Variants in KLHL20 observed in about 807,000 individuals in gnomAD.
KLHL20 encodes kelch-like protein 20.
In KLHL20, 29 loss-of-function variants were observed where a neutral mutation model predicts 69.5. The observed-to-expected ratio is 0.42, with a 90% confidence interval of 0.31 to 0.57. KLHL20 has a LOEUF of 0.57. Ranked by LOEUF, KLHL20 falls within the 20% of genes least tolerant of loss-of-function variation. KLHL20 has a pLI of 0.18. For missense variants in KLHL20, 419 were observed against 776.0 expected (o/e 0.54, Z 5.47); for synonymous variants, 253 against 265.2 (o/e 0.95, Z 0.45).
intron 3 of KLHL20, chr1:173,741,587 A>G: frequency 2.3e-6 from 1 of 426,514 alleles, no homozygotes; most frequent in Non-Finnish European, 4.1e-6. Flanking sequence ...AAAGCAAAAT[A>G]AAAATTACAA....
At chr1:173,741,066 C>T (rs1363540176) in intron 3 of KLHL20, among the ~76,000 whole-genome samples, 1 of 152,182 alleles carries the variant, frequency 6.6e-6, no homozygotes, top group Non-Finnish European at 1.5e-5. Context: ...TATCCTTCTC[C>T]CATAATCTGG....
chr1:173,762,695 A>G (rs1647385420), intron 7 of KLHL20, among the ~76,000 whole-genome samples: 1 of 152,242 alleles, frequency 6.6e-6, no homozygotes, highest in Non-Finnish European at 1.5e-5. Flanking sequence ...CTTTATGATT[A>G]AAACTCTCAG....
chr1:173,766,158 A>G lies in KLHL20; in HGVS notation c.1164A>G (p.Lys388=). The change falls in exon 8 of 12, where the codon AAA becomes AAG. Residue 388 remains lysine (K), a synonymous_variant. Coordinates refer to ENST00000209884, the MANE Select transcript of KLHL20 (RefSeq NM_014458.4). ...ATGTTCTTTTCAGGTATGACCCCAA[A>G]ACAAACCAGTGGAGCAGTGATGTGG... ...YLNSVERYDP[K]TNQWSSDVAP... 1.9e-6 allele frequency: 3 copies of G among 1,606,056 alleles called. No homozygotes were observed. Among genetic ancestry groups the G allele is most frequent in the Non-Finnish European group, 2.5e-6 (3 of 1,177,026 alleles).
chr1:173,783,522 C>T (rs575251887), intron 11 of KLHL20, among the ~76,000 whole-genome samples: 4 of 152,224 alleles, frequency 2.6e-5, no homozygotes, highest in South Asian at 2.1e-4. Context: ...CTAATAACAG[C>T]GTGTACGTTT....
At chr1:173,745,846 T>TATAG (rs1251800103) in intron 3 of KLHL20, among the ~76,000 whole-genome samples, 5 of 152,152 alleles carry the variant, frequency 3.3e-5, no homozygotes. Context: ...AGGATTGAGG[T>TATAG]ATAGATATTT....
chr1:173,745,755 G>A (rs1277624559), intron 3 of KLHL20, among the ~76,000 whole-genome samples: 1 of 152,040 alleles, frequency 6.6e-6, no homozygotes, highest in Non-Finnish European at 1.5e-5. Flanking sequence ...AATGGTAATG[G>A]AAATATTGTA....
chr1:173,741,949 T>C (rs778052147), intron 3 of KLHL20: 1 of 889,272 alleles, frequency 1.1e-6, no homozygotes, highest in South Asian at 1.5e-5. Context: ...TGAATCAAGA[T>C]AAGTGGGAAA....
chr1:173,753,723 A>C, intron 5 of KLHL20, among the ~76,000 whole-genome samples: 1 of 152,160 alleles, frequency 6.6e-6, no homozygotes, highest in East Asian at 1.9e-4. Flanking sequence ...TGCTTTCTAA[A>C]TTGTGGACAG....
intron 6 of KLHL20, 85 bp from the exon 7 acceptor site, chr1:173,756,891 A>G: frequency 2.3e-6 from 3 of 1,313,082 alleles, no homozygotes; most frequent in Non-Finnish European, 3.2e-6. Context: ...GAGTCTAAGC[A>G]TTAGGTCACA....
chr1:173,739,374 A>C (rs1476285244), intron 3 of KLHL20, among the ~76,000 whole-genome samples: 1 of 151,814 alleles, frequency 6.6e-6, no homozygotes, highest in East Asian at 1.9e-4. Context: ...GCCTGGCCCA[A>C]TTCTTCTTTA....
chr1:173,731,076 C>G (rs940307349), intron 2 of KLHL20, among the ~76,000 whole-genome samples: 2 of 152,170 alleles, frequency 1.3e-5, no homozygotes, highest in Non-Finnish European at 2.9e-5. Context: ...AGACACTTCT[C>G]AAAAGAAGAC....
intron 2 of KLHL20, among the ~76,000 whole-genome samples, chr1:173,717,256 C>G (rs981137685): frequency 1.3e-5 from 2 of 152,116 alleles, no homozygotes; most frequent in Non-Finnish European, 2.9e-5. Context: ...AAAAGAATAG[C>G]AGAGTGTGGG....
At chr1:173,719,555 G>A (rs1671624153) in intron 2 of KLHL20, among the ~76,000 whole-genome samples, 1 of 151,922 alleles carries the variant, frequency 6.6e-6, no homozygotes. Context: ...GCAGGTGGAG[G>A]TTGCAGTGAG....
At chr1:173,729,982 C>G (rs1672179724) in intron 2 of KLHL20, among the ~76,000 whole-genome samples, 1 of 151,974 alleles carries the variant, frequency 6.6e-6, no homozygotes, top group African/African-American at 2.4e-5. Flanking sequence ...ATCATCTCAG[C>G]CCCAAATCTC....
At chr1:173,735,195 C>T (rs2102473957) in intron 3 of KLHL20, among the ~76,000 whole-genome samples, 1 of 152,306 alleles carries the variant, frequency 6.6e-6, no homozygotes, top group African/African-American at 2.4e-5. Flanking sequence ...CCTGTGATCC[C>T]AGCACTTTGG....
At chr1:173,780,726 G>GT (rs1184499873) in intron 10 of KLHL20, among the ~76,000 whole-genome samples, 6 of 151,828 alleles carry the variant, frequency 4.0e-5, no homozygotes, top group Non-Finnish European at 7.4e-5. Context: ...ACGGTGAACT[G>GT]TTTTTTTGTT....
chr1:173,766,443 G>A (rs1276102634), intron 8 of KLHL20, among the ~76,000 whole-genome samples, 154 bp downstream of exon 8: 1 of 148,212 alleles, frequency 6.7e-6, no homozygotes, highest in South Asian at 2.2e-4. Flanking sequence ...TCAGGAGTTC[G>A]AGACCAGCCT....
In KLHL20 at chr1:173,766,290, G is replaced by T. The variant is rs1390584971; in HGVS notation, c.1295+1G>T. The T allele has an allele frequency of 6.3e-7, 1 of 1,576,438 alleles. No individual in the cohort carries two copies. The highest frequency in any genetic ancestry group is 2.3e-5 in the East Asian group (1 of 43,760). On this transcript the variant is annotated splice_donor_variant, in intron 8 of 11. Coordinates refer to ENST00000209884, the MANE Select transcript of KLHL20 (RefSeq NM_014458.4). LOFTEE classifies it high-confidence loss of function. Reference sequence around the variant, plus strand: ...TGTCTTGCCTCAACATTGTTGAGAGGTGATCTTTTTTTTAAGTCATTTTCC... The same window carrying T: ...TGTCTTGCCTCAACATTGTTGAGAGTTGATCTTTTTTTTAAGTCATTTTCC...
At chr1:173,744,293 GTGAAT>G (rs567584546) in intron 3 of KLHL20, among the ~76,000 whole-genome samples, 126 of 152,120 alleles carry the variant, frequency 8.3e-4, no homozygotes, top group Non-Finnish European at 1.6e-3. Context: ...TATAATTTTT[GTGAAT>G]TGTGTTTTAA....
Sources: allele counts gnomAD v4.1 joint callset (sites outside exome capture counted in the v4.1 genomes callset), GRCh38; gene constraint gnomAD v4.1.1; transcripts MANE v1.5; gene names NCBI Gene and HGNC (gene_info 2026-07-23, HGNC 2026-07-21).